The following DOCK9 variants were observed in gnomAD, a reference collection of about 807,000 sequenced individuals.
DOCK9 encodes the protein dedicator of cytokinesis protein 9.
In DOCK9, 89 loss-of-function variants were observed where a neutral mutation model predicts 263.3. The ratio of observed to expected loss-of-function variants is 0.34; its 90% CI spans 0.28 to 0.40. The LOEUF (loss-of-function observed/expected upper bound fraction) is 0.40, where lower values mean the gene tolerates loss of function less well. DOCK9 is among the 10% of genes least tolerant of loss of function. The probability of loss-of-function intolerance (pLI) is 1.00; values close to 1 mark genes in which losing one functional copy is unlikely to be tolerated. For synonymous variants in DOCK9, 976 were observed against 973.1 expected, an observed-to-expected ratio of 1.00 and a Z score of -0.06; for missense variants, 2,140 against 2,603.4, an observed-to-expected ratio of 0.82 and a Z score of 3.87.
intron 23 of DOCK9, among the ~76,000 whole-genome samples, 186 bp downstream of exon 23, chr13:98,882,856 A>C (rs188866020): frequency 6.6e-6 from 1 of 152,332 alleles, no homozygotes; most frequent in African/African-American, 2.4e-5. Context: ...TGGGACTAGG[A>C]CACAGGCAGG....
In DOCK9 at chr13:98,849,966, T is replaced by C. The variant is rs1594658237; in HGVS notation, c.4013+81A>G. 4.9e-6 allele frequency: 5 copies of C among 1,021,858 alleles called. No individual in the cohort carries two copies. The East Asian group carries it at 1.3e-4, about 27-fold the overall frequency. 63.3% of individuals were successfully genotyped at this position (1,021,858 alleles called of 1,614,324 possible). On this transcript the variant is annotated intron_variant, in intron 36 of 52. Transcript: ENST00000682017. ...GATGTGACATACACTACTCCTCTGG[T>C]TCAACTACATAGTATTCTTCAAGCC...
intron 1 of DOCK9, among the ~76,000 whole-genome samples, chr13:99,005,776 G>T (rs747515599): frequency 5.3e-5 from 8 of 152,320 alleles, no homozygotes; most frequent in East Asian, 3.9e-4. Flanking sequence ...ACTTAAATAA[G>T]TGTCTGTCCT....
intron 1 of DOCK9, among the ~76,000 whole-genome samples, chr13:99,042,090 T>C (rs745799093): frequency 1.3e-5 from 2 of 152,216 alleles, no homozygotes; most frequent in Admixed American, 1.3e-4. Flanking sequence ...GGGACCAATA[T>C]GGTTAACATG....
In DOCK9 at chr13:98,824,412, C is replaced by T. The variant is rs756833164; in HGVS notation, c.5116G>A (p.Val1706Ile). Residue 1706 changes from valine (V) to isoleucine (I), a missense_variant, in exon 45 of 53, where the codon GTC becomes ATC. Physicochemically the swap from Val to Ile is conservative, Grantham distance 29. This residue lies in a region of DOCK9 where 619 missense variants were observed against 861.8 expected (regional missense o/e 0.72). Coordinates refer to ENST00000682017, the MANE Select transcript of DOCK9 (RefSeq NM_001366683.2). ...CAAGCACGCACCTCGTTGAAATGGA[C>T]ATCCTGCATCCCCACGTCTTCCATC... Reference protein sequence around the residue: ...SMMEDVGMQDVHFNEDVLMEL... With the variant: ...SMMEDVGMQDIHFNEDVLMEL... 6.2e-7 allele frequency: 1 copy of T among 1,613,888 alleles called. No homozygotes were observed. Among genetic ancestry groups the T allele is most frequent in the Non-Finnish European group, 8.5e-7 (1 of 1,179,798 alleles).
At chr13:99,078,118 G>A (rs572846421) in intron 1 of DOCK9, among the ~76,000 whole-genome samples, 4 of 152,240 alleles carry the variant, frequency 2.6e-5, no homozygotes, top group African/African-American at 9.6e-5. Context: ...ATGTTTCATA[G>A]ATGCTGAACT....
chr13:98,847,735 T>C (rs1309112704), intron 37 of DOCK9: 1 of 152,190 alleles, frequency 6.6e-6, no homozygotes, highest in African/African-American at 2.4e-5. Flanking sequence ...ATTTTTAAGT[T>C]TTTCTTAAAA....
At chr13:99,036,464 C>T (rs536006056) in intron 1 of DOCK9, among the ~76,000 whole-genome samples, 32 of 152,168 alleles carry the variant, frequency 2.1e-4, no homozygotes, top group Admixed American at 3.3e-4. Context: ...CATGCTGGCA[C>T]CATGATCTCG....
intron 32 of DOCK9, among the ~76,000 whole-genome samples, chr13:98,861,870 C>T (rs2093881037): frequency 6.6e-6 from 1 of 152,152 alleles, no homozygotes; most frequent in Non-Finnish European, 1.5e-5. Flanking sequence ...AGCCTCATGT[C>T]CCTCACCTTG....
chr13:98,887,143 ATTTT>A (rs58434344), intron 18 of DOCK9, among the ~76,000 whole-genome samples: 10 of 95,222 alleles, frequency 1.1e-4, no homozygotes, highest in South Asian at 3.7e-4. Flanking sequence ...ATATATATAT[ATTTT>A]TTTTTTTTTT....
At chr13:98,802,507 G>C (rs896869366) in intron 49 of DOCK9, among the ~76,000 whole-genome samples, 70 of 152,242 alleles carry the variant, frequency 4.6e-4, no homozygotes, top group African/African-American at 1.7e-3. Context: ...GAAAGTGGAG[G>C]GCCGGAAGCT....
intron 23 of DOCK9, 114 bp downstream of exon 23, chr13:98,882,928 T>G: frequency 1.5e-5 from 12 of 797,370 alleles, no homozygotes; most frequent in Non-Finnish European, 2.4e-5. Flanking sequence ...GCTACTGATG[T>G]GAGACATCCA....
chr13:98,933,183 C>G (rs1382218428), intron 2 of DOCK9, among the ~76,000 whole-genome samples: 1 of 152,144 alleles, frequency 6.6e-6, no homozygotes, highest in Non-Finnish European at 1.5e-5. Context: ...CTATTAGGGT[C>G]ACTTCTAGGC....
chr13:99,042,014 C>T (rs976385353), intron 1 of DOCK9, among the ~76,000 whole-genome samples: 4 of 152,126 alleles, frequency 2.6e-5, no homozygotes, highest in Non-Finnish European at 5.9e-5. Flanking sequence ...TTTTCAGCCA[C>T]CAGGTTTGTG....
intron 1 of DOCK9, among the ~76,000 whole-genome samples, chr13:99,044,388 T>C (rs369605979): frequency 6.6e-6 from 1 of 152,188 alleles, no homozygotes; most frequent in African/African-American, 2.4e-5. Flanking sequence ...TAAATGCTTA[T>C]TGTGAAGTTC....
At chr13:98,841,749 G>C (rs1422810518) in intron 38 of DOCK9, among the ~76,000 whole-genome samples, 1 of 151,398 alleles carries the variant, frequency 6.6e-6, no homozygotes, top group Admixed American at 6.6e-5. Context: ...AACCTCCTGA[G>C]TAGCTGGGAT....
At chr13:98,842,856 TA>T (rs2093270003) in intron 38 of DOCK9, among the ~76,000 whole-genome samples, 1 of 152,234 alleles carries the variant, frequency 6.6e-6, no homozygotes, top group Non-Finnish European at 1.5e-5. Flanking sequence ...ACCTGTCTTT[TA>T]AGGGTGTTTT....
At chr13:98,807,477 T>C (rs1347286693) in intron 48 of DOCK9, among the ~76,000 whole-genome samples, 184 bp downstream of exon 48, 1 of 152,190 alleles carries the variant, frequency 6.6e-6, no homozygotes, top group Non-Finnish European at 1.5e-5. Flanking sequence ...GCGATAAAGA[T>C]TTTTTAATGT....
chr13:99,025,014 A>C (rs1261141097), intron 1 of DOCK9, among the ~76,000 whole-genome samples: 2 of 152,226 alleles, frequency 1.3e-5, no homozygotes, highest in Non-Finnish European at 2.9e-5. Flanking sequence ...AAGACACAAA[A>C]TTCTGAACCT....
intron 27 of DOCK9, among the ~76,000 whole-genome samples, chr13:98,875,258 T>C (rs1445823050): frequency 6.6e-6 from 1 of 152,216 alleles, no homozygotes; most frequent in Non-Finnish European, 1.5e-5. Flanking sequence ...TTCAAAACAC[T>C]TGAGGGTGAA....
Sources: gnomAD v4.1 joint callset for allele counts (sites outside exome capture counted in the v4.1 genomes callset) on GRCh38, gnomAD v4.1.1 for gene constraint, gnomAD v4.1.1 regional missense constraint, MANE v1.5 for transcripts, NCBI Gene and HGNC (gene_info 2026-07-23, HGNC 2026-07-21) for gene names.